The following SGCZ variants were observed in gnomAD, a reference collection of about 807,000 sequenced individuals.
SGCZ encodes the protein zeta-sarcoglycan.
In SGCZ, 40 loss-of-function variants were observed where a neutral mutation model predicts 41.3. That is an observed-to-expected ratio of 0.97 (90% CI 0.75 to 1.26). SGCZ has a LOEUF of 1.26. Ranked by LOEUF, SGCZ falls within the 50% of genes most tolerant of loss-of-function variation. SGCZ has a pLI of 0.00. For missense variants in SGCZ, 552 were observed against 369.8 expected (o/e 1.49, Z -4.04); for synonymous variants, 206 against 137.5 (o/e 1.50, Z -3.49).
chr8:14,264,709 C>T (rs997208192), intron 3 of SGCZ, among the ~76,000 whole-genome samples: 3 of 152,204 alleles, frequency 2.0e-5, no homozygotes, highest in African/African-American at 7.2e-5. Flanking sequence ...CGCCTGTAAT[C>T]CCAGCACTTT....
At chr8:14,922,524 G>A (rs1012084569) in intron 1 of SGCZ, among the ~76,000 whole-genome samples, 6 of 151,664 alleles carry the variant, frequency 4.0e-5, no homozygotes, top group East Asian at 1.9e-4. Context: ...GCGCGATTTC[G>A]GCTCACCACA....
chr8:14,386,063 T>C (rs1358757444), intron 2 of SGCZ, among the ~76,000 whole-genome samples: 1 of 152,154 alleles, frequency 6.6e-6, no homozygotes, highest in Non-Finnish European at 1.5e-5. Flanking sequence ...TTGTTTTTAT[T>C]TTCTAAATAT....
intron 1 of SGCZ, among the ~76,000 whole-genome samples, chr8:14,887,205 G>T (rs1804842010): frequency 6.6e-6 from 1 of 152,088 alleles, no homozygotes; most frequent in Non-Finnish European, 1.5e-5. Context: ...AAATTTTAGG[G>T]TCCTCATCAT....
At chr8:15,179,054 C>G (rs1024015239) in intron 1 of SGCZ, among the ~76,000 whole-genome samples, 1 of 151,996 alleles carries the variant, frequency 6.6e-6, no homozygotes, top group Non-Finnish European at 1.5e-5. Flanking sequence ...GTATTATATC[C>G]ATGGACATAA....
intron 1 of SGCZ, among the ~76,000 whole-genome samples, chr8:15,077,356 G>C (rs1805573362): frequency 1.3e-5 from 2 of 152,170 alleles, no homozygotes; most frequent in Admixed American, 1.3e-4. Flanking sequence ...AGCTGTTATT[G>C]CAGTAATTTG....
At chr8:14,824,279 A>C (rs370622449) in intron 1 of SGCZ, among the ~76,000 whole-genome samples, 1 of 152,124 alleles carries the variant, frequency 6.6e-6, no homozygotes, top group East Asian at 1.9e-4. Context: ...TGATAAATGC[A>C]TCAGGGGATG....
intron 1 of SGCZ, among the ~76,000 whole-genome samples, chr8:14,851,386 A>G (rs1274307100): frequency 3.7e-4 from 56 of 150,190 alleles, no homozygotes; most frequent in African/African-American, 1.2e-3. Flanking sequence ...AAAAAAAAAA[A>G]AAAAGAAAAA....
chr8:14,580,431 G>A (rs1201786013), intron 1 of SGCZ, among the ~76,000 whole-genome samples: 2 of 152,138 alleles, frequency 1.3e-5, no homozygotes, highest in Non-Finnish European at 2.9e-5. Flanking sequence ...CAGTTAAATA[G>A]AAGTTAGAGC....
chr8:14,470,851 C>T (rs1801194390), intron 2 of SGCZ, among the ~76,000 whole-genome samples: 1 of 152,098 alleles, frequency 6.6e-6, no homozygotes, highest in African/African-American at 2.4e-5. Context: ...TCAAAATAGG[C>T]AGTTCTTTGT....
intron 1 of SGCZ, among the ~76,000 whole-genome samples, chr8:15,229,411 G>C (rs1266147359): frequency 6.6e-6 from 1 of 152,194 alleles, no homozygotes; most frequent in Admixed American, 6.5e-5. Context: ...ACAGGTATTT[G>C]TTGGAGATGG....
At chr8:14,976,062 G>A (rs886306720) in intron 1 of SGCZ, among the ~76,000 whole-genome samples, 7 of 145,580 alleles carry the variant, frequency 4.8e-5, no homozygotes, top group East Asian at 2.0e-4. Flanking sequence ...TCAATCTGTC[G>A]CTCAAGCTGT....
intron 2 of SGCZ, among the ~76,000 whole-genome samples, chr8:14,426,967 T>C (rs1048151244): frequency 1.3e-5 from 2 of 152,178 alleles, no homozygotes; most frequent in African/African-American, 2.4e-5. Context: ...ACTTAAAAGC[T>C]GATTCTTTAT....
intron 2 of SGCZ, among the ~76,000 whole-genome samples, chr8:14,421,122 C>T (rs1470287503): frequency 6.6e-6 from 1 of 152,042 alleles, no homozygotes; most frequent in Non-Finnish European, 1.5e-5. Flanking sequence ...TATGTCTTAA[C>T]AAATTTGTGA....
At chr8:14,524,870 A>G (rs1406796244) in intron 2 of SGCZ, among the ~76,000 whole-genome samples, 1 of 152,062 alleles carries the variant, frequency 6.6e-6, no homozygotes, top group Non-Finnish European at 1.5e-5. Context: ...GTCTGAAAGT[A>G]ATATAATTCT....
chr8:14,455,770 A>C (rs1452894689), intron 2 of SGCZ, among the ~76,000 whole-genome samples: 3 of 152,226 alleles, frequency 2.0e-5, no homozygotes, highest in Non-Finnish European at 2.9e-5. Flanking sequence ...TGGCAGTGTT[A>C]AACAAGAATG....
At chr8:14,903,026 T>A (rs188865428) in intron 1 of SGCZ, among the ~76,000 whole-genome samples, 1 of 152,276 alleles carries the variant, frequency 6.6e-6, no homozygotes, top group East Asian at 1.9e-4. Flanking sequence ...AGTATATAAA[T>A]AGCTCTGAAG....
chr8:14,195,981 C>T (rs1009333177), intron 4 of SGCZ, among the ~76,000 whole-genome samples: 18 of 151,988 alleles, frequency 1.2e-4, no homozygotes, highest in African/African-American at 4.3e-4. Flanking sequence ...GTAGTGACCA[C>T]CTGAGTAAAC....
chr8:14,423,630 T>C (rs1021842008), intron 2 of SGCZ, among the ~76,000 whole-genome samples: 1 of 152,144 alleles, frequency 6.6e-6, no homozygotes, highest in Non-Finnish European at 1.5e-5. Flanking sequence ...ATCAGGTTGG[T>C]CGCGAACTCC....
At chr8:14,455,264 C>G (rs1246156522) in intron 2 of SGCZ, among the ~76,000 whole-genome samples, 1 of 151,898 alleles carries the variant, frequency 6.6e-6, no homozygotes, top group Non-Finnish European at 1.5e-5. Context: ...GAACTTCAAA[C>G]AGGTAAAAAA....
Sources: allele counts gnomAD v4.1 joint callset (sites outside exome capture counted in the v4.1 genomes callset), GRCh38; gene constraint gnomAD v4.1.1; transcripts MANE v1.5; gene names NCBI Gene and HGNC (gene_info 2026-07-23, HGNC 2026-07-21).